Variants in ZNF618 observed in about 807,000 individuals in gnomAD.
The protein encoded by ZNF618 is neural precursor cell expressed, developmentally down-regulated 10.
A neutral mutation model predicts 103.0 loss-of-function variants in ZNF618; 34 were observed. The observed-to-expected ratio is 0.33, with a 90% CI of 0.25 to 0.44. The LOEUF (loss-of-function observed/expected upper bound fraction) is 0.44, where lower values mean the gene tolerates loss of function less well. ZNF618 is among the 20% of genes least tolerant of loss of function. ZNF618 has a pLI of 1.00. For synonymous variants in ZNF618, 551 were observed against 542.2 expected, an observed-to-expected ratio of 1.02 and a Z score of -0.23; for missense variants, 1,059 against 1,295.4, an observed-to-expected ratio of 0.82 and a Z score of 2.80.
chr9:113,915,696 GGT>G (rs1321718436), intron 1 of ZNF618, among the ~76,000 whole-genome samples: 5 of 152,150 alleles, frequency 3.3e-5, no homozygotes, highest in African/African-American at 7.2e-5. Context: ...GGACATAAAA[GGT>G]GTGTGTGGGG....
intron 8 of ZNF618, 28 bp from the exon 9 acceptor site, chr9:114,008,449 G>A (rs1390323154): frequency 1.9e-6 from 3 of 1,613,916 alleles, no homozygotes; most frequent in East Asian, 2.2e-5. Context: ...GGGGACCAGG[G>A]TGCTAAGGGC....
chr9:113,994,023 A>G (rs1451053590), intron 3 of ZNF618, among the ~76,000 whole-genome samples: 1 of 152,196 alleles, frequency 6.6e-6, no homozygotes, highest in Non-Finnish European at 1.5e-5. Flanking sequence ...GACAAAGTGC[A>G]GGAGCGGGAG....
At chr9:114,016,264 A>C (rs1173787316) in intron 9 of ZNF618, 5 of 1,170,658 alleles carry the variant, frequency 4.3e-6, no homozygotes, top group Non-Finnish European at 6.3e-6. Flanking sequence ...GGTCCTGGAG[A>C]TGAGGGGACC....
chr9:113,977,964 A>G (rs1564246153), intron 2 of ZNF618, among the ~76,000 whole-genome samples: 3 of 152,242 alleles, frequency 2.0e-5, no homozygotes, highest in South Asian at 2.1e-4. Flanking sequence ...CTGACACCGT[A>G]CAATGAGGAA....
intron 1 of ZNF618, among the ~76,000 whole-genome samples, chr9:113,885,731 G>A (rs1829004392): frequency 6.6e-6 from 1 of 152,148 alleles, no homozygotes; most frequent in Non-Finnish European, 1.5e-5. Context: ...CTTTTTGAAA[G>A]CATCGTATGA....
chr9:113,895,791 T>G (rs1454756692), intron 1 of ZNF618, among the ~76,000 whole-genome samples: 2 of 152,242 alleles, frequency 1.3e-5, no homozygotes, highest in Admixed American at 1.3e-4. Context: ...GCACGGGAAT[T>G]ATCTTTTCAG....
At chr9:113,881,524 C>G (rs1264039492) in intron 1 of ZNF618, among the ~76,000 whole-genome samples, 1 of 152,188 alleles carries the variant, frequency 6.6e-6, no homozygotes, top group African/African-American at 2.4e-5. Flanking sequence ...AAGTTACAGT[C>G]TTTTGCGGGG....
In ZNF618 at chr9:113,988,413, T is replaced by A. The variant is rs533884396; in HGVS notation, c.170T>A (p.Met57Lys). Residue 57 changes from methionine to lysine, a missense_variant, in exon 3 of 15, where the codon ATG (methionine) becomes AAG (lysine). By Grantham distance (95) the Met-to-Lys change is moderately conservative (BLOSUM62 -1). Coordinates refer to ENST00000374126, the MANE Select transcript of ZNF618 (RefSeq NM_001318042.2). Reference protein sequence around the residue: ...EASLSAEQGTMTEVKVKTELP... With the variant: ...EASLSAEQGTKTEVKVKTELP... The stretch of plus-strand genomic sequence containing the variant: ...TCGCTGAGTGCCGAGCAAGGAACGA[T>A]GACGGAGGTGAAGGTGAAGACAGAG... The A allele has an allele frequency of 6.2e-7, 1 of 1,613,694 alleles. No individual in the cohort carries two copies. Among genetic ancestry groups the A allele is most frequent in the Non-Finnish European group, 8.5e-7 (1 of 1,179,886 alleles).
At chr9:113,910,905 A>C (rs994269062) in intron 1 of ZNF618, among the ~76,000 whole-genome samples, 2 of 151,518 alleles carry the variant, frequency 1.3e-5, no homozygotes, top group Non-Finnish European at 2.9e-5. Context: ...ATCTCAGCTC[A>C]TTGCAGCCTC....
intron 1 of ZNF618, among the ~76,000 whole-genome samples, chr9:113,908,509 G>T (rs1329787623): frequency 4.7e-5 from 7 of 150,444 alleles, no homozygotes; most frequent in Non-Finnish European, 3.0e-5. Context: ...ATTTTTTTTT[G>T]ACCTGAAAGT....
At chr9:113,915,877 C>A (rs1216199502) in intron 1 of ZNF618, among the ~76,000 whole-genome samples, 1 of 152,212 alleles carries the variant, frequency 6.6e-6, no homozygotes, top group Non-Finnish European at 1.5e-5. Context: ...CCTGTGTTTG[C>A]TTTATTCATT....
rs1473446818 is a variant in ZNF618, at chr9:114,007,414, G to A, written c.615G>A (p.Glu205=). Residue 205 remains glutamate (E), a synonymous_variant, in exon 7 of 15, where the codon GAG becomes GAA. Transcript: ENST00000374126. ...KKYKYYSCFQ[E]HRDLHAVDVF... is the part of the protein sequence containing the mutation. ...ACAAATACTACAGCTGTTTCCAAGA[G>A]CACCGAGACCTGCACGCAGTGGATG... 6.4e-7 allele frequency: 1 copy of A among 1,569,450 alleles called. No homozygotes were observed. Among genetic ancestry groups the A allele is most frequent in the Non-Finnish European group, 8.6e-7 (1 of 1,156,566 alleles).
chr9:114,002,393 G>A (rs1211758407), intron 5 of ZNF618, among the ~76,000 whole-genome samples: 1 of 152,220 alleles, frequency 6.6e-6, no homozygotes, highest in Non-Finnish European at 1.5e-5. Flanking sequence ...CAGGGCACTT[G>A]CTGAGGTCAG....
intron 1 of ZNF618, among the ~76,000 whole-genome samples, chr9:113,915,381 C>T (rs1240557888): frequency 6.6e-6 from 1 of 152,036 alleles, no homozygotes; most frequent in Non-Finnish European, 1.5e-5. Context: ...GAAGTCAGGC[C>T]GTTGGTTCCC....
At chr9:113,958,471 G>GC (rs1344701864) in intron 1 of ZNF618, among the ~76,000 whole-genome samples, 6 of 152,204 alleles carry the variant, frequency 3.9e-5, no homozygotes, top group African/African-American at 1.2e-4. Context: ...AGCCCTTTAT[G>GC]TTGAGTTGAT....
chr9:114,013,327 A>G (rs899670288), intron 9 of ZNF618, among the ~76,000 whole-genome samples: 2 of 152,280 alleles, frequency 1.3e-5, no homozygotes, highest in South Asian at 2.1e-4. Flanking sequence ...TGTGAGTAGT[A>G]AAACAAGATA....
intron 13 of ZNF618, among the ~76,000 whole-genome samples, chr9:114,045,154 G>A (rs538321054): frequency 2.6e-5 from 4 of 151,728 alleles, no homozygotes; most frequent in East Asian, 3.9e-4. Context: ...CCATTCTGTC[G>A]GTTGTCTTTT....
At chr9:113,945,781 G>A (rs777612950) in intron 1 of ZNF618, among the ~76,000 whole-genome samples, 1 of 152,028 alleles carries the variant, frequency 6.6e-6, no homozygotes, top group Non-Finnish European at 1.5e-5. Flanking sequence ...TAGGGCTGGG[G>A]GGAGAAAAAA....
intron 1 of ZNF618, among the ~76,000 whole-genome samples, chr9:113,885,502 G>GT (rs577852554): frequency 3.4e-4 from 52 of 152,270 alleles, no homozygotes; most frequent in African/African-American, 1.1e-3. Flanking sequence ...TCTCTTGTAT[G>GT]TTATTTTATC....
Sources: gnomAD v4.1 joint callset for allele counts (sites outside exome capture counted in the v4.1 genomes callset) on GRCh38, gnomAD v4.1.1 for gene constraint, MANE v1.5 for transcripts, NCBI Gene and HGNC (gene_info 2026-07-23, HGNC 2026-07-21) for gene names.